Variants in SEMA3E observed in about 807,000 individuals in gnomAD.
SEMA3E encodes the protein semaphorin 3E.
SEMA3E carries 49 observed loss-of-function variants against 93.6 expected under a neutral mutation model. That is an observed-to-expected ratio of 0.52 (90% CI 0.42 to 0.66). The LOEUF (loss-of-function observed/expected upper bound fraction) is 0.66, where lower values mean the gene tolerates loss of function less well. Among genes scored for constraint, SEMA3E ranks in the 30% least tolerant of loss-of-function variants. The pLI is 0.00. For missense variants in SEMA3E, 906 were observed against 964.8 expected (o/e 0.94, Z 0.81); for synonymous variants, 363 against 330.7 (o/e 1.10, Z -1.06).
At chr7:83,610,301 T>A (rs1053328326) in intron 1 of SEMA3E, among the ~76,000 whole-genome samples, 6 of 152,106 alleles carry the variant, frequency 3.9e-5, no homozygotes, top group African/African-American at 1.4e-4. Context: ...TTTGAATGTG[T>A]GTGCATACTG....
At position 83,394,286 on chromosome 7, in the gene SEMA3E, A is replaced by G; in HGVS notation, c.1500+11T>C. 3 of 1,613,068 alleles carry G rather than the reference A, an allele frequency of 1.9e-6. No individual in the cohort carries two copies. Among genetic ancestry groups the G allele is most frequent in the South Asian group, 1.1e-5 (1 of 91,032 alleles). ...CACACACACCTACACACACACACAC[A>G]CAGAACTTACCCGCTTTGAAGAAAT... On this transcript the variant is annotated intron_variant, in intron 13 of 16. Coordinates refer to ENST00000643230, the MANE Select transcript of SEMA3E (RefSeq NM_012431.3).
chr7:83,598,488 G>A (rs1355701719), intron 1 of SEMA3E, among the ~76,000 whole-genome samples: 2 of 152,104 alleles, frequency 1.3e-5, no homozygotes, highest in Non-Finnish European at 2.9e-5. Context: ...AAGTGACCTT[G>A]GGTTTTATTC....
At chr7:83,406,531 A>C (rs1788333564) in intron 7 of SEMA3E, among the ~76,000 whole-genome samples, 1 of 151,648 alleles carries the variant, frequency 6.6e-6, no homozygotes, top group Non-Finnish European at 1.5e-5. Context: ...CACCACACAC[A>C]CAATATATAT....
intron 1 of SEMA3E, among the ~76,000 whole-genome samples, chr7:83,525,301 G>A (rs2115702314): frequency 6.6e-6 from 1 of 152,036 alleles, no homozygotes; most frequent in African/African-American, 2.4e-5. Flanking sequence ...ACCTCACAGA[G>A]CCTTTTATAT....
At chr7:83,603,605 T>C (rs1204335971) in intron 1 of SEMA3E, among the ~76,000 whole-genome samples, 1 of 152,190 alleles carries the variant, frequency 6.6e-6, no homozygotes, top group African/African-American at 2.4e-5. Context: ...ATCTGTAGTA[T>C]TAGTTTCAGT....
At chr7:83,622,223 T>C (rs969361943) in intron 1 of SEMA3E, among the ~76,000 whole-genome samples, 2 of 151,636 alleles carry the variant, frequency 1.3e-5, no homozygotes, top group Admixed American at 6.6e-5. Flanking sequence ...CCAATAAACA[T>C]ATGAGAAGCT....
At chr7:83,410,769 A>T (rs978329000) in intron 5 of SEMA3E, among the ~76,000 whole-genome samples, 3 of 151,666 alleles carry the variant, frequency 2.0e-5, no homozygotes, top group African/African-American at 4.8e-5. Flanking sequence ...GTTGACACTT[A>T]AAAAAATTGA....
At chr7:83,551,480 A>C (rs1326777742) in intron 1 of SEMA3E, among the ~76,000 whole-genome samples, 1 of 152,168 alleles carries the variant, frequency 6.6e-6, no homozygotes, top group Admixed American at 6.6e-5. Flanking sequence ...AAGAGTGATA[A>C]ATATAAAATT....
At chr7:83,457,331 T>G (rs190160543) in intron 4 of SEMA3E, among the ~76,000 whole-genome samples, 7 of 152,324 alleles carry the variant, frequency 4.6e-5, no homozygotes, top group African/African-American at 1.4e-4. Context: ...TCCAGATTCA[T>G]TCTTTCAAAT....
At chr7:83,400,284 C>A (rs747859511) in intron 10 of SEMA3E, 34 bp from the exon 11 acceptor site, 11 of 1,587,858 alleles carry the variant, frequency 6.9e-6, no homozygotes, top group Non-Finnish European at 9.5e-6. Flanking sequence ...ATTCTTTTTG[C>A]TTTACACCCA....
intron 1 of SEMA3E, among the ~76,000 whole-genome samples, chr7:83,628,966 T>G (rs1313647837): frequency 1.3e-5 from 2 of 152,162 alleles, no homozygotes; most frequent in African/African-American, 4.8e-5. Context: ...CAGATGGAGT[T>G]TTTGAGTAGT....
At chr7:83,428,537 G>A (rs902906956) in intron 4 of SEMA3E, among the ~76,000 whole-genome samples, 8 of 152,104 alleles carry the variant, frequency 5.3e-5, no homozygotes, top group Non-Finnish European at 1.2e-4. Context: ...ACATGATAAT[G>A]TGTATAACAA....
At chr7:83,478,291 A>C (rs901950690) in intron 2 of SEMA3E, among the ~76,000 whole-genome samples, 30 of 152,176 alleles carry the variant, frequency 2.0e-4, no homozygotes, top group Admixed American at 1.3e-3. Flanking sequence ...AGAAAGATAA[A>C]AACTATAGAT....
intron 1 of SEMA3E, among the ~76,000 whole-genome samples, chr7:83,595,414 C>T (rs1332482593): frequency 6.6e-6 from 1 of 152,042 alleles, no homozygotes; most frequent in Non-Finnish European, 1.5e-5. Flanking sequence ...CTTTCCCTAA[C>T]ATTAAAATTT....
At chr7:83,381,143 T>A (rs1362132234) in intron 16 of SEMA3E, among the ~76,000 whole-genome samples, 1 of 152,004 alleles carries the variant, frequency 6.6e-6, no homozygotes, top group African/African-American at 2.4e-5. Flanking sequence ...CAAATGTTAA[T>A]GATGTCACAG....
At chr7:83,443,395 T>C (rs1265321602) in intron 4 of SEMA3E, among the ~76,000 whole-genome samples, 9 of 152,166 alleles carry the variant, frequency 5.9e-5, no homozygotes, top group Non-Finnish European at 5.9e-5. Context: ...TTATATGAAC[T>C]GGCTTAGGTC....
intron 4 of SEMA3E, among the ~76,000 whole-genome samples, chr7:83,457,997 T>TA (rs1789524419): frequency 6.6e-6 from 1 of 152,040 alleles, no homozygotes; most frequent in Non-Finnish European, 1.5e-5. Flanking sequence ...ATAAATCTCA[T>TA]ACTGCTTTTA....
chr7:83,417,323 C>T (rs549150579), intron 5 of SEMA3E, among the ~76,000 whole-genome samples: 8 of 152,008 alleles, frequency 5.3e-5, no homozygotes, highest in African/African-American at 1.9e-4. Context: ...TCAAAATAAA[C>T]TGACTTGAAT....
intron 16 of SEMA3E, among the ~76,000 whole-genome samples, chr7:83,378,108 G>A (rs1787688978): frequency 6.6e-6 from 1 of 151,806 alleles, no homozygotes; most frequent in African/African-American, 2.4e-5. Flanking sequence ...TTCATAGAAG[G>A]AAGATTTAGG....
Sources: allele counts gnomAD v4.1 joint callset (sites outside exome capture counted in the v4.1 genomes callset), GRCh38; gene constraint gnomAD v4.1.1; transcripts MANE v1.5; gene names NCBI Gene and HGNC (gene_info 2026-07-23, HGNC 2026-07-21).